SEMA5A: variants seen among roughly 807,000 people sequenced by gnomAD.
SEMA5A encodes semaphorin-5A.
SEMA5A carries 55 observed loss-of-function variants against 135.5 expected under a neutral mutation model. The observed-to-expected ratio is 0.41, with a 90% CI of 0.33 to 0.51. The LOEUF is 0.51. SEMA5A is among the 20% of genes least tolerant of loss of function. SEMA5A has a pLI of 0.37. For synonymous variants in SEMA5A, 580 were observed against 546.5 expected (o/e 1.06, Z -0.85); for missense variants, 1,290 against 1,419.9 (o/e 0.91, Z 1.47).
At chr5:9,107,137 A>G (rs1739962160) in intron 16 of SEMA5A, among the ~76,000 whole-genome samples, 1 of 152,198 alleles carries the variant, frequency 6.6e-6, no homozygotes, top group Non-Finnish European at 1.5e-5. Flanking sequence ...TCAGTGAGGA[A>G]GCAATTTAGC....
At chr5:9,246,110 G>A (rs1748469150) in intron 5 of SEMA5A, among the ~76,000 whole-genome samples, 2 of 152,038 alleles carry the variant, frequency 1.3e-5, no homozygotes, top group Non-Finnish European at 2.9e-5. Context: ...TCTAAGGTAA[G>A]GCTCATAAGA....
chr5:9,355,034 T>C (rs1252838458), intron 3 of SEMA5A, among the ~76,000 whole-genome samples: 1 of 152,096 alleles, frequency 6.6e-6, no homozygotes, highest in Non-Finnish European at 1.5e-5. Context: ...AAGCTTTGGA[T>C]TTTATTCTAT....
At chr5:9,265,326 G>T (rs1579745154) in intron 5 of SEMA5A, 3 of 421,210 alleles carry the variant, frequency 7.1e-6, no homozygotes, top group Non-Finnish European at 1.4e-5. Flanking sequence ...AGAAGGACAG[G>T]CCCAGTTCCT....
At chr5:9,358,269 C>T (rs1257782904) in intron 3 of SEMA5A, among the ~76,000 whole-genome samples, 2 of 152,198 alleles carry the variant, frequency 1.3e-5, no homozygotes, top group East Asian at 1.9e-4. Context: ...CTCCATTTTA[C>T]CTTCAAACCC....
rs1735896605 is a variant in SEMA5A, at chr5:9,040,397, TG to T, written c.*2499del. 6.6e-6 allele frequency: 1 copy of T among 152,234 alleles called. No individual in the cohort carries two copies. Among genetic ancestry groups the T allele is most frequent in the African/African-American group, 2.4e-5 (1 of 41,466 alleles). The allele number at this position is 152,234 out of a possible 1,614,324, so 9.4% of individuals were successfully genotyped here. On this transcript the variant is annotated 3_prime_UTR_variant, in exon 23 of 23. Coordinates refer to ENST00000382496, the MANE Select transcript of SEMA5A (RefSeq NM_003966.3). ...GAGATCACACTGTGAAAGTCCAACA[TG>T]TGAGGGTTCACGCGATAAGCGTGGA...
intron 1 of SEMA5A, among the ~76,000 whole-genome samples, chr5:9,535,883 T>C (rs1021022778): frequency 6.6e-6 from 1 of 152,052 alleles, no homozygotes; most frequent in African/African-American, 2.4e-5. Flanking sequence ...CACCGTCCAG[T>C]GTGATGCAGA....
chr5:9,395,330 G>A (rs2126543201), intron 2 of SEMA5A, among the ~76,000 whole-genome samples: 1 of 152,228 alleles, frequency 6.6e-6, no homozygotes, highest in African/African-American at 2.4e-5. Context: ...TTCCATAAGT[G>A]TTCTCCAAAC....
intron 11 of SEMA5A, among the ~76,000 whole-genome samples, chr5:9,172,562 G>A (rs1199452909): frequency 6.6e-6 from 1 of 151,970 alleles, no homozygotes; most frequent in African/African-American, 2.4e-5. Context: ...CTGTACTTGG[G>A]CATTCAAAAA....
intron 8 of SEMA5A, among the ~76,000 whole-genome samples, chr5:9,203,421 G>T (rs1314553559): frequency 6.6e-6 from 1 of 152,072 alleles, no homozygotes; most frequent in African/African-American, 2.4e-5. Context: ...CATGTTACTG[G>T]CAGGACAACT....
chr5:9,213,847 C>T (rs1746472872), intron 8 of SEMA5A, among the ~76,000 whole-genome samples: 1 of 152,050 alleles, frequency 6.6e-6, no homozygotes, highest in South Asian at 2.1e-4. Flanking sequence ...AGGCTAAAGC[C>T]AAGGGAGCAC....
intron 3 of SEMA5A, chr5:9,363,451 G>A (rs1754785968): frequency 6.6e-6 from 1 of 152,232 alleles, no homozygotes; most frequent in African/African-American, 2.4e-5. Context: ...TTACATGGTG[G>A]GGTAGGAATG....
chr5:9,485,991 C>A (rs1339910585), intron 1 of SEMA5A, among the ~76,000 whole-genome samples: 1 of 151,834 alleles, frequency 6.6e-6, no homozygotes, highest in Admixed American at 6.6e-5. Flanking sequence ...TTTGTAATTT[C>A]AAAAATATAA....
chr5:9,499,281 G>C (rs1019321668), intron 1 of SEMA5A, among the ~76,000 whole-genome samples: 3 of 152,136 alleles, frequency 2.0e-5, no homozygotes, highest in Non-Finnish European at 4.4e-5. Context: ...ATTTAGTGTC[G>C]TGTCCTTATT....
chr5:9,132,541 C>T (rs544832952), intron 13 of SEMA5A, among the ~76,000 whole-genome samples: 19 of 152,158 alleles, frequency 1.2e-4, no homozygotes, highest in Non-Finnish European at 2.6e-4. Flanking sequence ...GCCTTCAAGA[C>T]GATGTGAAAT....
chr5:9,337,795 G>C lies in SEMA5A; in HGVS notation c.142C>G (p.Arg48Gly). The C allele has an allele frequency of 6.2e-7, 1 of 1,604,064 alleles. No homozygotes were observed. The highest frequency in any genetic ancestry group is 8.5e-7 in the Non-Finnish European group (1 of 1,174,146). ...ISYKEIGPWLREFRAKNAVDF... is the reference protein window; with the variant it reads ...ISYKEIGPWLGEFRAKNAVDF... The stretch of plus-strand genomic sequence containing the variant: ...ACAGCATTCTTCGCTCTGAACTCCC[G>C]TAACCAGGGGCCAATTTCTAAATAG... Residue 48 changes from arginine to glycine, a missense_variant, in exon 4 of 23, where the codon CGG becomes GGG. Transcript: ENST00000382496.
In SEMA5A at chr5:9,379,157, C is replaced by A. The variant is rs13165276; in HGVS notation, c.124+666G>T. Among the ~76,000 whole-genome samples the A allele has an allele frequency of 2.0e-5, 3 of 152,108 alleles. No homozygotes were observed. The East Asian group carries it at 5.8e-4, about 29-fold the overall frequency. The stretch of plus-strand genomic sequence containing the variant: ...TTAAAAACAACAAAATATAAAACCA[C>A]TTGTTGCATGAATTACTGAAATACA... On this transcript the variant is annotated intron_variant, in intron 3 of 22. Transcript: ENST00000382496.
chr5:9,257,030 C>T (rs188447011), intron 5 of SEMA5A, among the ~76,000 whole-genome samples: 1 of 152,338 alleles, frequency 6.6e-6, no homozygotes, highest in Admixed American at 6.5e-5. Context: ...TGTATAAACT[C>T]TCAGGCAAAG....
At chr5:9,472,046 G>A (rs1298580861) in intron 1 of SEMA5A, among the ~76,000 whole-genome samples, 1 of 152,206 alleles carries the variant, frequency 6.6e-6, no homozygotes, top group Non-Finnish European at 1.5e-5. Flanking sequence ...TGCACAACGT[G>A]CAGGTTTGTT....
chr5:9,221,544 C>T (rs40670), intron 8 of SEMA5A, among the ~76,000 whole-genome samples: 149,041 of 150,468 alleles, frequency 0.99, 73,814 homozygotes, highest in Middle Eastern at 0.99. Flanking sequence ...CCTCGTGATC[C>T]GCCCGCCTCG....
Sources: allele counts gnomAD v4.1 joint callset (sites outside exome capture counted in the v4.1 genomes callset), GRCh38; gene constraint gnomAD v4.1.1; transcripts MANE v1.5; gene names NCBI Gene and HGNC (gene_info 2026-07-23, HGNC 2026-07-21).